LIX1: variants seen among roughly 807,000 people sequenced by gnomAD.
LIX1 encodes protein limb expression 1 homolog.
LIX1 carries 24 observed loss-of-function variants against 33.4 expected under a neutral mutation model. The ratio of observed to expected loss-of-function variants is 0.72; its 90% CI spans 0.52 to 1.01. The LOEUF (loss-of-function observed/expected upper bound fraction) is 1.01. Among genes scored for constraint, LIX1 ranks in the 50% least tolerant of loss-of-function variants. LIX1 has a pLI of 0.00. For synonymous variants in LIX1, 124 were observed against 124.0 expected (o/e 1.00, Z 0.00); for missense variants, 311 against 339.2 (o/e 0.92, Z 0.65).
At chr5:97,105,965 T>C (rs567285542) in intron 3 of LIX1, among the ~76,000 whole-genome samples, 1 of 152,322 alleles carries the variant, frequency 6.6e-6, no homozygotes, top group Non-Finnish European at 1.5e-5. Context: ...TGGGCAATGG[T>C]GACTTTGTGA....
chr5:97,112,756 A>G (rs941968577), intron 2 of LIX1, among the ~76,000 whole-genome samples: 2 of 151,646 alleles, frequency 1.3e-5, no homozygotes, highest in Admixed American at 1.3e-4. Context: ...ATAAACCACT[A>G]TAATCATTTC....
rs1398328684 is a variant in LIX1, at chr5:97,093,711, G to A, written c.*1037C>T. On this transcript the variant is annotated 3_prime_UTR_variant, in exon 6 of 6. Transcript: ENST00000274382. Reference sequence around the variant, plus strand: ...GGATGAGTTAAATAGAGATGGCAATGTCTTATCCTTCCTTTAAAGAAGATT... The same window carrying A: ...GGATGAGTTAAATAGAGATGGCAATATCTTATCCTTCCTTTAAAGAAGATT... The A allele has an allele frequency of 6.6e-6, 1 of 151,304 alleles. No homozygotes were observed. Among genetic ancestry groups the A allele is most frequent in the Non-Finnish European group, 1.5e-5 (1 of 67,894 alleles). 9.4% of individuals were successfully genotyped at this position (151,304 alleles called of 1,614,324 possible).
intron 2 of LIX1, among the ~76,000 whole-genome samples, chr5:97,113,503 A>T (rs1747519962): frequency 6.6e-6 from 1 of 152,180 alleles, no homozygotes; most frequent in Non-Finnish European, 1.5e-5. Context: ...GTTTATTATC[A>T]CATTTTGTTA....
Position 97,096,833 on chromosome 5 carries a change from G to T in LIX1, c.538C>A (p.Arg180Ser), listed in dbSNP as rs139105148. The change falls in exon 5 of 6, where the codon CGT (arginine) becomes AGT (serine). Residue 180 changes from arginine to serine, a missense_variant. Arg to Ser is a moderately radical substitution (Grantham distance 110). Coordinates refer to ENST00000274382, the MANE Select transcript of LIX1 (RefSeq NM_153234.5). Reference protein sequence around the residue: ...LHWNGSLKALRETKCSRQEVI... With the variant: ...LHWNGSLKALSETKCSRQEVI... ...ACCTGTCGGGAACACTTTGTTTCAC[G>T]AAGGGCTTTTAGGCTTCCATTCCAG... The T allele has an allele frequency of 6.2e-7, 1 of 1,613,774 alleles. No homozygotes were observed. The highest frequency in any genetic ancestry group is 2.2e-5 in the East Asian group (1 of 44,894).
intron 2 of LIX1, among the ~76,000 whole-genome samples, chr5:97,108,479 A>T (rs1426561027): frequency 6.6e-6 from 1 of 152,176 alleles, no homozygotes; most frequent in Non-Finnish European, 1.5e-5. Flanking sequence ...TGAACAACTA[A>T]CAACTCCCAT....
At chr5:97,124,000 C>T (rs1337272994) in intron 2 of LIX1, among the ~76,000 whole-genome samples, 3 of 152,112 alleles carry the variant, frequency 2.0e-5, no homozygotes, top group African/African-American at 4.8e-5. Flanking sequence ...CCATGTAAAA[C>T]AGATACACCT....
chr5:97,095,145 T>C (rs1294485581), intron 5 of LIX1, 110 bp from the exon 6 acceptor site: 1 of 1,017,540 alleles, frequency 9.8e-7, no homozygotes, highest in Non-Finnish European at 1.4e-6. Context: ...AACAACCCCA[T>C]CTCTCTCATG....
chr5:97,111,082 C>T (rs914013671), intron 2 of LIX1, among the ~76,000 whole-genome samples: 3 of 152,120 alleles, frequency 2.0e-5, no homozygotes, highest in Admixed American at 2.0e-4. Flanking sequence ...GCTTGGAGGA[C>T]TACTGTCCAA....
rs191647644 is a variant in LIX1, at chr5:97,116,798, T to C, written c.246+7668A>G. 3.4e-3 allele frequency among the ~76,000 whole-genome samples: 515 copies of C among 152,194 alleles called. 12 individuals are homozygous for C. The highest frequency in any genetic ancestry group is 0.03 in the Admixed American group (454 of 15,272). ...TGCTTTGATGTGAAAGGAGTTGGGA[T>C]GGGGGAGTTAGGGAGAGATGGAGTC... On this transcript the variant is annotated intron_variant, in intron 2 of 5. Coordinates refer to ENST00000274382, the MANE Select transcript of LIX1 (RefSeq NM_153234.5).
chr5:97,122,639 A>G (rs1390314977), intron 2 of LIX1, among the ~76,000 whole-genome samples: 3 of 152,142 alleles, frequency 2.0e-5, no homozygotes, highest in Non-Finnish European at 4.4e-5. Flanking sequence ...CTGTCTGAAT[A>G]TTCAGTGGCT....
chr5:97,115,982 C>T (rs1361303161), intron 2 of LIX1, among the ~76,000 whole-genome samples: 1 of 152,058 alleles, frequency 6.6e-6, no homozygotes, highest in Admixed American at 6.6e-5. Context: ...GAATTCCTGC[C>T]CAAATCCTAT....
rs564371707 is a variant in LIX1 at position 97,118,228 on chromosome 5, G to A, written c.246+6238C>T. ...AATCACATGCTCTAGTACTATATTC[G>A]AGGAAATTTTTCCTTTTTAGTCAAA... On this transcript the variant is annotated intron_variant, in intron 2 of 5. Coordinates refer to ENST00000274382, the MANE Select transcript of LIX1 (RefSeq NM_153234.5). Among the ~76,000 whole-genome samples the A allele has an allele frequency of 6.6e-5, 10 of 152,178 alleles. No homozygotes were observed. The East Asian group carries it at 7.7e-4, about 12-fold the overall frequency.
intron 4 of LIX1, among the ~76,000 whole-genome samples, chr5:97,102,668 A>T (rs1746772013): frequency 6.6e-6 from 1 of 152,206 alleles, no homozygotes; most frequent in Non-Finnish European, 1.5e-5. Context: ...CAAAGCAATT[A>T]AACTATTACT....
chr5:97,103,540 C>T (rs926294037), intron 4 of LIX1, among the ~76,000 whole-genome samples: 45 of 152,216 alleles, frequency 3.0e-4, no homozygotes, highest in African/African-American at 1.1e-3. Flanking sequence ...GGCCAGCCCG[C>T]TGCAGAGTCT....
intron 2 of LIX1, 90 bp downstream of exon 2, chr5:97,124,376 A>C (rs1343421100): frequency 8.6e-7 from 1 of 1,168,746 alleles, no homozygotes; most frequent in African/African-American, 1.5e-5. Context: ...ACTATTTCCA[A>C]GAAAATTTGT....
intron 4 of LIX1, among the ~76,000 whole-genome samples, chr5:97,100,120 C>T (rs532813442): frequency 1.3e-5 from 2 of 152,300 alleles, no homozygotes; most frequent in East Asian, 1.9e-4. Flanking sequence ...AACTGCTCTC[C>T]CCGCCCCATA....
At chr5:97,124,279 CAATT>C (rs1747855532) in intron 2 of LIX1, among the ~76,000 whole-genome samples, 183 bp downstream of exon 2, 1 of 152,090 alleles carries the variant, frequency 6.6e-6, no homozygotes, top group South Asian at 2.1e-4. Flanking sequence ...ATAATTTACT[CAATT>C]AAAAGGGTAT....
chr5:97,131,684 A>G (rs1748059964), intron 1 of LIX1, among the ~76,000 whole-genome samples: 1 of 152,222 alleles, frequency 6.6e-6, no homozygotes, highest in Non-Finnish European at 1.5e-5. Context: ...CTGGATACTC[A>G]CCTAGAAGCA....
chr5:97,114,328 G>A (rs1747569709), intron 2 of LIX1, among the ~76,000 whole-genome samples: 1 of 152,092 alleles, frequency 6.6e-6, no homozygotes, highest in Admixed American at 6.5e-5. Context: ...GCAAGACCTG[G>A]TCTGTACTAA....
Sources: allele counts gnomAD v4.1 joint callset (sites outside exome capture counted in the v4.1 genomes callset), GRCh38; gene constraint gnomAD v4.1.1; transcripts MANE v1.5; gene names NCBI Gene and HGNC (gene_info 2026-07-23, HGNC 2026-07-21).